The following DMD variants were observed in gnomAD, a reference collection of about 807,000 sequenced individuals.
The protein encoded by DMD is mutant dystrophin.
In DMD, 63 loss-of-function variants were observed where a neutral mutation model predicts 330.1. The observed-to-expected ratio is 0.19, with a 90% confidence interval of 0.16 to 0.24. The LOEUF is 0.24. Among genes scored for constraint, DMD ranks in the 10% least tolerant of loss-of-function variants. The probability of loss-of-function intolerance (pLI) is 1.00; values close to 1 mark genes in which losing one functional copy is unlikely to be tolerated. For synonymous variants in DMD, 1,223 were observed against 959.8 expected (o/e 1.27, Z -5.07); for missense variants, 3,344 against 2,684.1 (o/e 1.25, Z -5.43).
intron 19 of DMD, among the ~76,000 whole-genome samples, chrX:32,495,367 TA>T (rs1468913689): frequency 9.0e-6 from 1 of 111,616 alleles, no homozygotes; most frequent in African/African-American, 3.3e-5. Flanking sequence ...TATATGAATA[TA>T]AAAATTATGA....
chrX:32,472,746 C>T (rs1016570615), intron 21 of DMD, among the ~76,000 whole-genome samples: 9 of 110,915 alleles, frequency 8.1e-5, no homozygotes, highest in Non-Finnish European at 1.7e-4. Context: ...TATCATTATC[C>T]GAAGACCTTG....
At position 31,209,526 on chromosome X, in the gene DMD, GAC is replaced by G; in HGVS notation, c.9533_9534del (p.Cys3178SerfsTer9). The G allele has an allele frequency of 8.3e-7, 1 of 1,211,184 alleles. No individual in the cohort carries two copies. Among genetic ancestry groups the G allele is most frequent in the Non-Finnish European group, 1.1e-6 (1 of 895,306 alleles). The stretch of plus-strand genomic sequence containing the variant: ...TCATAAACATTCAGCAGCCAGTTCA[GAC>G]ACATATCCACGCAGAGAGGGACGTT... ...LVNVPLCVDM[C>X]LNWLLNVYDT... On this transcript the variant is annotated frameshift_variant, in exon 65 of 79. Transcript: ENST00000357033. LOFTEE classifies it high-confidence loss of function.
chrX:31,121,665 C>G lies in DMD; in HGVS notation c.*254G>C. On this transcript the variant is annotated 3_prime_UTR_variant, in exon 79 of 79. Transcript: ENST00000357033. The stretch of plus-strand genomic sequence containing the variant: ...CAATTGCATAGACGTGTAAAACCTG[C>G]CATTGTTAACAAAACAATAACAGAC... The G allele has an allele frequency of 2.3e-6, 1 of 434,942 alleles. No homozygotes were observed. The highest frequency in any genetic ancestry group is 4.0e-6 in the Non-Finnish European group (1 of 251,986). 35.8% of individuals were successfully genotyped at this position (434,942 alleles called of 1,213,427 possible).
rs766117479 is a variant in DMD at position 32,255,340 on chromosome X, AATTTT to A, written c.6290+32184_6290+32188del. 6.7e-3 allele frequency among the ~76,000 whole-genome samples: 744 copies of A among 111,667 alleles called. 3 individuals are homozygous for A. The highest frequency in any genetic ancestry group is 0.023 in the African/African-American group (709 of 30,712). On this transcript the variant is annotated intron_variant, in intron 43 of 78. Transcript: ENST00000357033. ...TGGATCATATAATAGTTCTTTGTTA[AATTTT>A]ATTTTAAGAACTAGTCTTGTAGTTT...
rs193244309 is a variant in DMD at position 32,715,516 on chromosome X, G to A, written c.650-16223C>T. 4.6e-3 allele frequency among the ~76,000 whole-genome samples: 483 copies of A among 105,856 alleles called. 12 individuals are homozygous for A. Among genetic ancestry groups the A allele is most frequent in the African/African-American group, 0.016 (456 of 28,879 alleles). 91.9% of individuals were successfully genotyped at this position (105,856 alleles called of 115,157 possible). A position where few individuals can be genotyped will look rare whatever the true frequency, so the allele number is the denominator to read the frequency against. On this transcript the variant is annotated intron_variant, in intron 7 of 78. Coordinates refer to ENST00000357033, the MANE Select transcript of DMD (RefSeq NM_004006.3). ...AAAAAGGAGATCTTGACCAGGTGTG[G>A]TGGCTTATGCCTATAATCCTAGCAC...
intron 57 of DMD, among the ~76,000 whole-genome samples, chrX:31,494,721 A>G (rs2069662017): frequency 8.9e-6 from 1 of 112,226 alleles, no homozygotes. Flanking sequence ...TATTTATAAC[A>G]AAATACTGGC....
intron 13 of DMD, among the ~76,000 whole-genome samples, chrX:32,585,571 G>T (rs954988862): frequency 1.2e-4 from 13 of 106,590 alleles, no homozygotes; most frequent in East Asian, 3.0e-4. Flanking sequence ...GTGGTGGCAG[G>T]CGCCTGCAGT....
intron 60 of DMD, among the ~76,000 whole-genome samples, chrX:31,350,637 G>GAC: frequency 3.9e-5 from 1 of 25,972 alleles, no homozygotes; most frequent in East Asian, 6.2e-4. Context: ...GTGTGTGAGA[G>GAC]AGAGAGAGAG....
intron 55 of DMD, among the ~76,000 whole-genome samples, chrX:31,574,543 G>T (rs976780761): frequency 2.7e-5 from 3 of 111,594 alleles, no homozygotes; most frequent in Non-Finnish European, 5.6e-5. Context: ...TGAAAAGCTA[G>T]GTAATTTGTC....
chrX:31,912,471 A>G (rs1396961756), intron 47 of DMD, among the ~76,000 whole-genome samples: 2 of 111,708 alleles, frequency 1.8e-5, no homozygotes, highest in Non-Finnish European at 1.9e-5. Context: ...CAGGATGAAG[A>G]AAATGCTTTC....
chrX:32,795,051 G>A (rs181074709), intron 7 of DMD, among the ~76,000 whole-genome samples: 1 of 112,037 alleles, frequency 8.9e-6, no homozygotes, highest in Non-Finnish European at 1.9e-5. Context: ...TCGGTCAGAA[G>A]AATTAATGTT....
chrX:32,096,338 T>C (rs1308544695), intron 44 of DMD, among the ~76,000 whole-genome samples: 1 of 111,421 alleles, frequency 9.0e-6, no homozygotes, highest in Non-Finnish European at 1.9e-5. Context: ...AACTCTATGC[T>C]GCCTTGACAT....
At chrX:31,691,296 A>G (rs377452542) in intron 52 of DMD, among the ~76,000 whole-genome samples, 134 of 111,491 alleles carry the variant, frequency 1.2e-3, no homozygotes, top group Admixed American at 1.9e-3. Flanking sequence ...TGATAAAAAC[A>G]AAAGACCCAA....
At chrX:31,742,026 C>T (rs1480520866) in intron 51 of DMD, among the ~76,000 whole-genome samples, 2 of 112,100 alleles carry the variant, frequency 1.8e-5, no homozygotes, top group Non-Finnish European at 3.8e-5. Flanking sequence ...CATTAAGGCT[C>T]ATGAACATAC....
intron 73 of DMD, among the ~76,000 whole-genome samples, chrX:31,171,507 A>G (rs918523129): frequency 2.7e-5 from 3 of 111,403 alleles, no homozygotes; most frequent in African/African-American, 9.8e-5. Context: ...AAGGCATCGT[A>G]ATACTTTGAC....
Position 32,441,274 on chromosome X carries a change from T to C in DMD, c.3827A>G (p.Glu1276Gly), listed in dbSNP as rs2098280537. 2.5e-6 allele frequency: 3 copies of C among 1,209,090 alleles called. No homozygotes were observed. Among genetic ancestry groups the C allele is most frequent in the Non-Finnish European group, 3.4e-6 (3 of 893,207 alleles). Residue 1276 changes from glutamate (E) to glycine (G), a missense_variant, in exon 28 of 79, where the codon GAG (glutamate) becomes GGG (glycine). Physicochemically the swap from Glu to Gly is moderately conservative, Grantham distance 98. Coordinates refer to ENST00000357033, the MANE Select transcript of DMD (RefSeq NM_004006.3). The stretch of plus-strand genomic sequence containing the variant: ...TTCATTTAGCCACTTGTTTGCTTTC[T>C]CCAAGTATGACAATAACTCATGCCA... The part of the protein sequence containing the change: ...ACWHELLSYL[E>G]KANKWLNEVE...
At chrX:31,741,531 C>A (rs1433418639) in intron 51 of DMD, among the ~76,000 whole-genome samples, 1 of 111,353 alleles carries the variant, frequency 9.0e-6, no homozygotes, top group Non-Finnish European at 1.9e-5. Flanking sequence ...TGACCAGGGA[C>A]ATTGTCAAAG....
chrX:32,057,064 AAC>A (rs765904992), intron 44 of DMD, among the ~76,000 whole-genome samples: 108 of 111,513 alleles, frequency 9.7e-4, no homozygotes, highest in Non-Finnish European at 1.5e-3. Flanking sequence ...AACAAGTTTC[AAC>A]ACTTTCATGA....
chrX:32,475,711 T>G (rs1403532732), intron 21 of DMD, among the ~76,000 whole-genome samples: 1 of 111,315 alleles, frequency 9.0e-6, no homozygotes, highest in African/African-American at 3.3e-5. Context: ...AGCTACTGAT[T>G]TTTGTACATT....
Sources: gnomAD v4.1 joint callset for allele counts (sites outside exome capture counted in the v4.1 genomes callset) on GRCh38, gnomAD v4.1.1 for gene constraint, MANE v1.5 for transcripts, NCBI Gene and HGNC (gene_info 2026-07-23, HGNC 2026-07-21) for gene names.